MYH11: variants seen among roughly 807,000 people sequenced by gnomAD.
The protein encoded by MYH11 is myosin-11.
A neutral mutation model predicts 246.6 loss-of-function variants in MYH11; 80 were observed. That is an observed-to-expected ratio of 0.32 (90% CI 0.27 to 0.39). The LOEUF is 0.39. Among genes scored for constraint, MYH11 ranks in the 10% least tolerant of loss-of-function variants. The probability of loss-of-function intolerance (pLI) is 1.00; values close to 1 mark genes in which losing one functional copy is unlikely to be tolerated. For synonymous variants in MYH11, 1,071 were observed against 1,015.5 expected, an observed-to-expected ratio of 1.05 and a Z score of -1.04; for missense variants, 2,158 against 2,546.8, an observed-to-expected ratio of 0.85 and a Z score of 3.29.
chr16:15,726,369 C>CT (rs781567624), intron 28 of MYH11: 3,042 of 149,448 alleles, frequency 0.02, 26 homozygotes, highest in Admixed American at 0.029. Context: ...GGTTTTTTTT[C>CT]TTTTTTTTTT....
intron 28 of MYH11, chr16:15,725,976 A>T (rs1464522744): frequency 1.9e-5 from 6 of 309,192 alleles, no homozygotes; most frequent in South Asian, 1.7e-4. Context: ...CCCCAACCCC[A>T]GCTGGGCACT....
chr16:15,830,738 T>C (rs888540916), intron 2 of MYH11, among the ~76,000 whole-genome samples: 1 of 151,114 alleles, frequency 6.6e-6, no homozygotes, highest in African/African-American at 2.4e-5. Context: ...ATTATCTGGG[T>C]GTGGTGATGC....
In MYH11 at chr16:15,745,249, G is replaced by C; in HGVS notation, c.2412-12C>G. On this transcript the variant is annotated splice_polypyrimidine_tract_variant and intron_variant, in intron 19 of 40. Coordinates refer to ENST00000300036, the MANE Select transcript of MYH11 (RefSeq NM_002474.3). ...TCTTGGCAAAAGCCCTAGGGAGGGG[G>C]GAAGAGAAGGTGCGGGGGTCATGAA... The C allele has an allele frequency of 6.2e-7, 1 of 1,605,618 alleles. No homozygotes were observed. Among genetic ancestry groups the C allele is most frequent in the Non-Finnish European group, 8.5e-7 (1 of 1,172,824 alleles).
rs768628428 is a variant in MYH11 at position 15,735,523 on chromosome 16, C to G, written c.3349G>C (p.Glu1117Gln). Reference sequence around the variant, plus strand: ...TCCTGGAGGTCTGAGATGTGGCCCTCCAGCTCCCGGATCTTCTTCAGGGCA... The same window carrying G: ...TCCTGGAGGTCTGAGATGTGGCCCTGCAGCTCCCGGATCTTCTTCAGGGCA... ...NNALKKIRELEGHISDLQEDL... is the reference protein window; with the variant it reads ...NNALKKIRELQGHISDLQEDL... The change falls in exon 26 of 41, where the codon GAG (glutamate) becomes CAG (glutamine). Residue 1117 changes from glutamate (E) to glutamine (Q), a missense_variant. By Grantham distance (29) the Glu-to-Gln change is conservative. Transcript: ENST00000300036. 4 of 1,614,150 alleles carry G rather than the reference C, an allele frequency of 2.5e-6. No homozygotes were observed. Among genetic ancestry groups the G allele is most frequent in the East Asian group, 2.2e-5 (1 of 44,878 alleles).
Position 15,786,699 on chromosome 16 carries a change from G to C in MYH11, c.564C>G (p.Thr188=). The C allele has an allele frequency of 6.2e-7, 1 of 1,614,110 alleles. No homozygotes were observed. The highest frequency in any genetic ancestry group is 8.5e-7 in the Non-Finnish European group (1 of 1,180,016). ...CGGCCAGGTACTGAATGACCTTCTT[G>C]GTGTTTTCGGTTTTCCCGGCTCCAG... ...GESGAGKTEN[T]KKVIQYLAVV... Residue 188 remains threonine (T), a synonymous_variant, in exon 5 of 41, where the codon ACC becomes ACG. Transcript: ENST00000300036.
chr16:15,703,930 TTTTG>T lies in MYH11; in HGVS notation c.*57_*60del, dbSNP rs564766108. The T allele has an allele frequency of 5.8e-4, 919 of 1,574,162 alleles. 3 individuals carry two copies. The African/African-American group carries it at 6.3e-3, about 11-fold the overall frequency. On this transcript the variant is annotated 3_prime_UTR_variant, in exon 41 of 41. Coordinates refer to ENST00000300036, the MANE Select transcript of MYH11 (RefSeq NM_002474.3). ...TTGTTCTGGGTTGTTGTTGGGTTTTTTTTGTTTGTTTGTTTTGGTTTTTGGTTTT... is the reference window on the plus strand; with the variant it reads ...TTGTTCTGGGTTGTTGTTGGGTTTTTTTTGTTTGTTTTGGTTTTTGGTTTT...
Position 15,725,151 on chromosome 16 carries a change from A to AC in MYH11, c.3859-160dup, listed in dbSNP as rs2040691233. On this transcript the variant is annotated intron_variant, in intron 28 of 40. Coordinates refer to ENST00000300036, the MANE Select transcript of MYH11 (RefSeq NM_002474.3). Reference sequence around the variant, plus strand: ...GACTCTGATAAAAAAAAAAAAAAACACACACACACACAAAAAAAACAGAAT... The same window carrying AC: ...GACTCTGATAAAAAAAAAAAAAAACACCACACACACACAAAAAAAACAGAAT... The AC allele has an allele frequency of 2.3e-5, 15 of 641,696 alleles. No individual in the cohort carries two copies. In the South Asian group the frequency reaches 2.7e-4, roughly 11 times the overall value. The allele number at this position is 641,696 out of a possible 1,614,324, so 39.8% of individuals were successfully genotyped here. A position where few individuals can be genotyped will look rare whatever the true frequency, so the allele number is the denominator to read the frequency against.
At chr16:15,846,335 G>A (rs1477311748) in intron 1 of MYH11, among the ~76,000 whole-genome samples, 1 of 152,154 alleles carries the variant, frequency 6.6e-6, no homozygotes, top group Non-Finnish European at 1.5e-5. Context: ...ACATCCTTGA[G>A]CAAAAGAAGG....
chr16:15,763,741 T>TCCGCC, intron 10 of MYH11, 55 bp downstream of exon 10: 42 of 646,820 alleles, frequency 6.5e-5, no homozygotes, highest in East Asian at 1.9e-4. Context: ...AAATGTCACC[T>TCCGCC]CCCCCACCCC....
At chr16:15,760,450 T>C (rs1043496886) in intron 11 of MYH11, 90 bp downstream of exon 11, 3 of 1,013,790 alleles carry the variant, frequency 3.0e-6, no homozygotes, top group Non-Finnish European at 4.7e-6. Context: ...AATGGATTAA[T>C]GAATACATGA....
Position 15,778,866 on chromosome 16 carries a change from C to A in MYH11, c.727-23G>T, listed in dbSNP as rs1567754171. The A allele has an allele frequency of 1.2e-6, 2 of 1,613,478 alleles. 1 individual carries two copies. Among genetic ancestry groups the A allele is most frequent in the Middle Eastern group, 3.3e-4 (2 of 6,062 alleles). The stretch of plus-strand genomic sequence containing the variant: ...GCCCTGCCAACAGGAAAACACAGTT[C>A]AGGCTTTGCTGCCCAACTTCAGCCG... On this transcript the variant is annotated intron_variant, in intron 6 of 40. Transcript: ENST00000300036.
In MYH11 at chr16:15,730,638, A is replaced by C. The variant is rs1027946517; in HGVS notation, c.3651+1926T>G. Among the ~76,000 whole-genome samples, 21 of 152,196 alleles carry C rather than the reference A, an allele frequency of 1.4e-4. 1 individual carries two copies. Among genetic ancestry groups the C allele is most frequent in the East Asian group, 1.2e-3 (6 of 5,198 alleles). On this transcript the variant is annotated intron_variant, in intron 27 of 40. Coordinates refer to ENST00000300036, the MANE Select transcript of MYH11 (RefSeq NM_002474.3). ...TGATAGAACCAAATGCAAATTCCCC[A>C]AAATTTTTAGGCAATGCTGCACCCA...
intron 1 of MYH11, among the ~76,000 whole-genome samples, chr16:15,847,412 A>C (rs1410952921): frequency 6.6e-6 from 1 of 151,964 alleles, no homozygotes; most frequent in Non-Finnish European, 1.5e-5. Context: ...CACCATGCCC[A>C]GCTATTTTCC....
intron 22 of MYH11, 194 bp downstream of exon 22, chr16:15,741,269 A>G: frequency 1.5e-6 from 1 of 679,168 alleles, no homozygotes; most frequent in Non-Finnish European, 2.6e-6. Flanking sequence ...GCAGGGCAAT[A>G]GAACAGAGTG....
chr16:15,832,875 G>A (rs2043777002), intron 2 of MYH11, among the ~76,000 whole-genome samples: 1 of 145,130 alleles, frequency 6.9e-6, no homozygotes, highest in Admixed American at 7.0e-5. Flanking sequence ...CACAGACCTT[G>A]TCTGAATCCC....
chr16:15,771,452 TTA>T, intron 9 of MYH11, 115 bp downstream of exon 9: 2 of 1,040,866 alleles, frequency 1.9e-6, no homozygotes, highest in Non-Finnish European at 2.7e-6. Flanking sequence ...TTTTTTTTTT[TTA>T]ATGGAAGGTG....
chr16:15,829,943 C>T (rs534554024), intron 2 of MYH11, among the ~76,000 whole-genome samples: 11 of 151,998 alleles, frequency 7.2e-5, no homozygotes, highest in East Asian at 5.8e-4. Context: ...GAGACCAGCC[C>T]GGCCAACACA....
intron 1 of MYH11, among the ~76,000 whole-genome samples, chr16:15,844,912 A>G (rs1222015331): frequency 6.6e-6 from 1 of 152,160 alleles, no homozygotes; most frequent in Non-Finnish European, 1.5e-5. Flanking sequence ...TCATTAGCCT[A>G]AAAGATCTTT....
At chr16:15,801,967 C>T (rs966691771) in intron 3 of MYH11, among the ~76,000 whole-genome samples, 3 of 150,640 alleles carry the variant, frequency 2.0e-5, no homozygotes, top group Non-Finnish European at 4.4e-5. Flanking sequence ...CAAAACAAAA[C>T]AAACAAAAAA....
Sources: allele counts gnomAD v4.1 joint callset (sites outside exome capture counted in the v4.1 genomes callset), GRCh38; gene constraint gnomAD v4.1.1; transcripts MANE v1.5; gene names NCBI Gene and HGNC (gene_info 2026-07-23, HGNC 2026-07-21).